Variants in NFIA observed in about 807,000 individuals in gnomAD.
The protein encoded by NFIA is nuclear factor 1 A-type.
Under a neutral mutation model 62.8 loss-of-function variants are expected in NFIA, and 8 were observed. The ratio of observed to expected loss-of-function variants is 0.13; its 90% confidence interval spans 0.07 to 0.23. The LOEUF (loss-of-function observed/expected upper bound fraction) is 0.23, where lower values mean the gene tolerates loss of function less well. Among genes scored for constraint, NFIA ranks in the 10% least tolerant of loss-of-function variants. NFIA has a pLI of 1.00. For missense variants in NFIA, 410 were observed against 642.1 expected (o/e 0.64, Z 3.91); for synonymous variants, 235 against 238.1 (o/e 0.99, Z 0.12).
chr1:61,372,347 G>C (rs1305662156), intron 6 of NFIA, among the ~76,000 whole-genome samples: 2 of 152,002 alleles, frequency 1.3e-5, no homozygotes, highest in African/African-American at 4.8e-5. Flanking sequence ...ATATTTCTAA[G>C]ATATGAAGAC....
At chr1:61,077,589 C>G, upstream of NFIA, 1 of 1,367,628 alleles carries the variant, frequency 7.3e-7, no homozygotes, top group Non-Finnish European at 9.6e-7. Flanking sequence ...TTCGTCTGAG[C>G]ATTTTAAAGT....
intron 2 of NFIA, among the ~76,000 whole-genome samples, chr1:61,264,386 A>G (rs145627434): frequency 1.3e-5 from 2 of 152,170 alleles, no homozygotes; most frequent in Admixed American, 6.5e-5. Context: ...ACTCACGCCT[A>G]TAATCCCAGC....
chr1:61,253,140 G>A (rs1656157069), intron 2 of NFIA, among the ~76,000 whole-genome samples: 1 of 152,194 alleles, frequency 6.6e-6, no homozygotes, highest in Non-Finnish European at 1.5e-5. Flanking sequence ...TATACAACAT[G>A]GAAGTCTAAC....
chr1:61,421,524 G>A (rs1001955521), intron 9 of NFIA, among the ~76,000 whole-genome samples: 4 of 152,146 alleles, frequency 2.6e-5, no homozygotes, highest in Non-Finnish European at 4.4e-5. Context: ...CGGTTTGTAG[G>A]CCAGGCTGCC....
intron 2 of NFIA, among the ~76,000 whole-genome samples, chr1:61,149,115 C>T (rs144463654): frequency 8.3e-5 from 12 of 145,114 alleles, no homozygotes; most frequent in African/African-American, 2.8e-4. Context: ...AGGCTGGTCT[C>T]GAACTCCTGG....
intron 6 of NFIA, among the ~76,000 whole-genome samples, chr1:61,369,247 G>A (rs1237698408): frequency 1.3e-5 from 2 of 152,112 alleles, no homozygotes; most frequent in Admixed American, 6.6e-5. Flanking sequence ...CTATACTCAT[G>A]GACCCAAATC....
At chr1:61,353,497 A>G (rs182888258) in intron 5 of NFIA, among the ~76,000 whole-genome samples, 1 of 152,344 alleles carries the variant, frequency 6.6e-6, no homozygotes, top group Admixed American at 6.5e-5. Context: ...ACAACAAAGA[A>G]TAGAATGGTA....
intron 6 of NFIA, among the ~76,000 whole-genome samples, chr1:61,377,224 A>AT (rs1664193981): frequency 6.9e-6 from 1 of 145,254 alleles, no homozygotes; most frequent in Admixed American, 6.9e-5. Context: ...CTCCATCTCA[A>AT]AAAAAAGAAA....
intron 2 of NFIA, among the ~76,000 whole-genome samples, chr1:61,194,210 TGACCCCA>T (rs1425894854): frequency 6.6e-6 from 1 of 152,174 alleles, no homozygotes; most frequent in Admixed American, 6.5e-5. Context: ...ATAAAAACAC[TGACCCCA>T]GAAGGTAGTG....
At chr1:61,209,283 C>T (rs765878281) in intron 2 of NFIA, among the ~76,000 whole-genome samples, 5 of 151,982 alleles carry the variant, frequency 3.3e-5, no homozygotes, top group East Asian at 3.9e-4. Context: ...TGTAAAAAGC[C>T]GTCGTGTGTA....
intron 2 of NFIA, among the ~76,000 whole-genome samples, chr1:61,135,126 T>C (rs1647158638): frequency 6.6e-6 from 1 of 152,236 alleles, no homozygotes; most frequent in Admixed American, 6.5e-5. Flanking sequence ...TGCTTTAAAT[T>C]AGGAAGAAAA....
At chr1:61,331,216 G>A (rs1218390385) in intron 3 of NFIA, among the ~76,000 whole-genome samples, 1 of 152,080 alleles carries the variant, frequency 6.6e-6, no homozygotes, top group Non-Finnish European at 1.5e-5. Flanking sequence ...AAATACCATA[G>A]ATTATGTGTT....
chr1:61,099,812 T>C (rs943425331), intron 2 of NFIA, among the ~76,000 whole-genome samples: 1 of 152,214 alleles, frequency 6.6e-6, no homozygotes. Context: ...TCTTTTCTTA[T>C]GTGTTTTTAA....
intron 2 of NFIA, among the ~76,000 whole-genome samples, chr1:61,258,785 G>GCACCCCACTCCA (rs1656579618): frequency 6.6e-6 from 1 of 151,996 alleles, no homozygotes; most frequent in Non-Finnish European, 1.5e-5. Context: ...CTGGAGTGGG[G>GCACCCCACTCCA]TGACATGATC....
In NFIA at chr1:61,461,732, T is replaced by A. The variant is rs1668538567; in HGVS notation, c.*6412T>A. ...CTATTTGATTCAGAAAAATAAACTT[T>A]CCCAAAATGTGTCTGAACCACAAGA... On this transcript the variant is annotated 3_prime_UTR_variant, in exon 11 of 11. Transcript: ENST00000403491. 6.6e-6 allele frequency: 1 copy of A among 152,104 alleles called. No individual in the cohort carries two copies. The highest frequency in any genetic ancestry group is 1.5e-5 in the Non-Finnish European group (1 of 68,020). The allele number at this position is 152,104 out of a possible 1,614,324, so 9.4% of individuals were successfully genotyped here.
chr1:61,442,363 A>G (rs975116648), intron 10 of NFIA, among the ~76,000 whole-genome samples: 2 of 152,240 alleles, frequency 1.3e-5, no homozygotes, highest in African/African-American at 4.8e-5. Flanking sequence ...ATCAGTATAA[A>G]TGAAATGAGA....
chr1:61,123,202 A>C (rs529000489), intron 2 of NFIA, among the ~76,000 whole-genome samples: 1 of 152,236 alleles, frequency 6.6e-6, no homozygotes, highest in Non-Finnish European at 1.5e-5. Flanking sequence ...TCAAATACAT[A>C]GGACAGAGCC....
intron 2 of NFIA, among the ~76,000 whole-genome samples, chr1:61,159,786 G>A (rs1004051385): frequency 2.0e-5 from 3 of 149,138 alleles, no homozygotes; most frequent in Non-Finnish European, 4.4e-5. Context: ...GGCTCAAGCA[G>A]TTCTCCTGAT....
chr1:61,236,109 C>T (rs1382246808), intron 2 of NFIA, among the ~76,000 whole-genome samples: 1 of 151,532 alleles, frequency 6.6e-6, no homozygotes, highest in Non-Finnish European at 1.5e-5. Flanking sequence ...GGCAATTCAT[C>T]TGCATCCAAT....
Sources: allele counts gnomAD v4.1 joint callset (sites outside exome capture counted in the v4.1 genomes callset), GRCh38; gene constraint gnomAD v4.1.1; transcripts MANE v1.5; gene names NCBI Gene and HGNC (gene_info 2026-07-23, HGNC 2026-07-21).